Variants in ZNF443 observed in about 807,000 individuals in gnomAD.
The protein encoded by ZNF443 is zinc finger protein 443.
In ZNF443, 3 loss-of-function variants were observed where a neutral mutation model predicts 12.0. The ratio of observed to expected loss-of-function variants is 0.25; its 90% confidence interval spans 0.11 to 0.64. ZNF443 has a LOEUF of 0.64. Among genes scored for constraint, ZNF443 ranks in the 30% least tolerant of loss-of-function variants. The pLI is 0.84. For missense variants in ZNF443, 770 were observed against 808.8 expected (o/e 0.95, Z 0.58); for synonymous variants, 225 against 265.9 (o/e 0.85, Z 1.50).
Position 12,431,604 on chromosome 19 carries a change from C to A in ZNF443, c.568G>T (p.Val190Leu). ...SLGNLQRHMA[V>L]QRGDGPYKCK... is the part of the protein sequence containing the mutation. ...TTATAAGGTCCATCTCCACGCTGCA[C>A]TGCCATGTGTCTTTGAAGGTTTCCC... Residue 190 changes from valine (V) to leucine (L), a missense_variant, in exon 4 of 4, where the codon GTG becomes TTG. Coordinates refer to ENST00000301547, the MANE Select transcript of ZNF443 (RefSeq NM_005815.5). 6.2e-7 allele frequency: 1 copy of A among 1,614,150 alleles called. No homozygotes were observed. The highest frequency in any genetic ancestry group is 1.1e-5 in the South Asian group (1 of 91,076).
At chr19:12,432,294 A>G (rs1970264512) in intron 3 of ZNF443, 83 bp downstream of exon 3, 1 of 1,248,088 alleles carries the variant, frequency 8.0e-7, no homozygotes, top group African/African-American at 1.6e-5. Context: ...AGCCTTGTTC[A>G]TTTTCTTTGC....
chr19:12,432,961 TTC>T, intron 2 of ZNF443, 108 bp downstream of exon 2: 2 of 1,531,184 alleles, frequency 1.3e-6, no homozygotes, highest in Non-Finnish European at 1.8e-6. Flanking sequence ...GTTTTTTTTT[TTC>T]CAGGGCCAAC....
At chr19:12,432,057 C>A in intron 3 of ZNF443, 77 bp from the exon 4 acceptor site, 3 of 1,129,814 alleles carry the variant, frequency 2.7e-6, no homozygotes, top group East Asian at 5.0e-5. Flanking sequence ...ATTGGATGTA[C>A]ATTTTTAACA....
chr19:12,439,002 GAA>G (rs1568239526), intron 1 of ZNF443, among the ~76,000 whole-genome samples: 1 of 152,178 alleles, frequency 6.6e-6, no homozygotes, highest in Non-Finnish European at 1.5e-5. Context: ...CTGGAACACA[GAA>G]AAGTCTAATG....
intron 1 of ZNF443, among the ~76,000 whole-genome samples, chr19:12,436,486 A>G (rs1442584627): frequency 6.6e-6 from 1 of 151,978 alleles, no homozygotes; most frequent in African/African-American, 2.4e-5. Context: ...GTCTCAAAAA[A>G]AAAGGGGTAG....
At chr19:12,440,597 T>C (rs1238176272) in intron 1 of ZNF443, among the ~76,000 whole-genome samples, 2 of 152,074 alleles carry the variant, frequency 1.3e-5, no homozygotes, top group African/African-American at 2.4e-5. Flanking sequence ...CCTCGGCGTC[T>C]CGGTGCAGTG....
rs1970257322 is a variant in ZNF443 at position 12,431,719 on chromosome 19, A to C, written c.453T>G (p.Ser151Arg). Residue 151 changes from serine to arginine, a missense_variant, in exon 4 of 4, where the codon AGT (serine) becomes AGG (arginine). Ser to Arg is a moderately radical substitution (Grantham distance 110). This residue lies in a region of ZNF443 where 736 missense variants were observed against 689.4 expected (regional missense o/e 1.07). Coordinates refer to ENST00000301547, the MANE Select transcript of ZNF443 (RefSeq NM_005815.5). Reference protein sequence around the residue: ...DTHKQRGKAFSYHNSFQTHER... With the variant: ...DTHKQRGKAFRYHNSFQTHER... The stretch of plus-strand genomic sequence containing the variant: ...CATGTGTTTGAAATGAGTTGTGGTA[A>C]CTGAAGGCTTTCCCACGTTGTTTAT... The C allele has an allele frequency of 6.2e-7, 1 of 1,614,036 alleles. No individual in the cohort carries two copies. The highest frequency in any genetic ancestry group is 8.5e-7 in the Non-Finnish European group (1 of 1,180,004).
intron 1 of ZNF443, among the ~76,000 whole-genome samples, chr19:12,434,358 T>C (rs1377300015): frequency 6.6e-6 from 1 of 152,168 alleles, no homozygotes; most frequent in Non-Finnish European, 1.5e-5. Context: ...TTAGATCAAA[T>C]GTAGTGAAGT....
chr19:12,437,144 C>A (rs1970319341), intron 1 of ZNF443, among the ~76,000 whole-genome samples: 1 of 152,060 alleles, frequency 6.6e-6, no homozygotes. Flanking sequence ...AATGCCAACA[C>A]TTTGAGATGC....
At chr19:12,440,248 AGGG>A (rs1446252341) in intron 1 of ZNF443, among the ~76,000 whole-genome samples, 10 of 11,928 alleles carry the variant, frequency 8.4e-4, no homozygotes, top group South Asian at 1.9e-3. Flanking sequence ...CGCTGCCTCA[AGGG>A]GCCGCCTCCC....
chr19:12,439,382 T>C (rs1970343352), intron 1 of ZNF443, among the ~76,000 whole-genome samples: 1 of 152,116 alleles, frequency 6.6e-6, no homozygotes, highest in Non-Finnish European at 1.5e-5. Flanking sequence ...TCCCAGTGGA[T>C]CCAGTTGCTC....
intron 1 of ZNF443, among the ~76,000 whole-genome samples, chr19:12,440,351 G>A (rs1263083133): frequency 2.0e-5 from 3 of 152,290 alleles, no homozygotes; most frequent in South Asian, 2.1e-4. Context: ...AGTCGCCGGA[G>A]TTCTCAGATC....
At position 12,431,607 on chromosome 19, in the gene ZNF443, C is replaced by A; in HGVS notation, c.565G>T (p.Ala189Ser). 6.2e-7 allele frequency: 1 copy of A among 1,614,146 alleles called. No homozygotes were observed. Among genetic ancestry groups the A allele is most frequent in the Non-Finnish European group, 8.5e-7 (1 of 1,180,006 alleles). Residue 189 changes from alanine to serine, a missense_variant, in exon 4 of 4, where the codon GCA (alanine) becomes TCA (serine). Physicochemically the swap from Ala to Ser is moderately conservative, Grantham distance 99. Transcript: ENST00000301547. ...SSLGNLQRHM[A>S]VQRGDGPYKC... ...TAAGGTCCATCTCCACGCTGCACTG[C>A]CATGTGTCTTTGAAGGTTTCCCAAA...
chr19:12,438,177 T>C (rs955144002), intron 1 of ZNF443, among the ~76,000 whole-genome samples: 4 of 152,070 alleles, frequency 2.6e-5, no homozygotes, highest in Non-Finnish European at 4.4e-5. Context: ...AAAGCTACTC[T>C]CTTACCCTTC....
At chr19:12,434,795 C>T (rs1376976261) in intron 1 of ZNF443, among the ~76,000 whole-genome samples, 2 of 151,996 alleles carry the variant, frequency 1.3e-5, no homozygotes, top group Admixed American at 6.6e-5. Flanking sequence ...CAATCTCTCC[C>T]CCATCAATGA....
At chr19:12,440,373 C>T (rs1970352839) in intron 1 of ZNF443, among the ~76,000 whole-genome samples, 1 of 152,186 alleles carries the variant, frequency 6.6e-6, no homozygotes, top group South Asian at 2.1e-4. Flanking sequence ...TGAATCCCAG[C>T]AGAAAGGCTG....
rs560877383 is a variant in ZNF443, at chr19:12,432,458, A to G, written c.131-21T>C. 8 of 1,413,310 alleles carry G rather than the reference A, an allele frequency of 5.7e-6. No homozygotes were observed. The East Asian group carries it at 1.7e-4, about 30-fold the overall frequency. The allele number at this position is 1,413,310 out of a possible 1,614,324, so 87.5% of individuals were successfully genotyped here. ...CATTACTAAAAGGTATACACAGAAA[A>G]ATCATTACAAATTTTTACAAAATTA... is the stretch of plus-strand genomic sequence containing the variant. On this transcript the variant is annotated intron_variant, in intron 2 of 3. Transcript: ENST00000301547.
rs1486525953 is a variant in ZNF443, at chr19:12,431,682, T to C, written c.490A>G (p.Thr164Ala). The change falls in exon 4 of 4, where the codon ACT becomes GCT. Residue 164 changes from threonine to alanine, a missense_variant. Coordinates refer to ENST00000301547, the MANE Select transcript of ZNF443 (RefSeq NM_005815.5). ...NSFQTHERLH[T>A]GKKPYDCKEC... ...TTACAATCATATGGTTTCTTTCCAG[T>C]GTGAAGCCTCTCATGTGTTTGAAAT... The C allele has an allele frequency of 2.5e-6, 4 of 1,614,090 alleles. No homozygotes were observed. The highest frequency in any genetic ancestry group is 1.3e-5 in the African/African-American group (1 of 74,946).
chr19:12,430,778 C>T lies in ZNF443; in HGVS notation c.1394G>A (p.Arg465Gln), dbSNP rs752288384. The change falls in exon 4 of 4, where the codon CGA (arginine) becomes CAA (glutamine). Residue 465 changes from arginine to glutamine, a missense_variant. This residue lies in a region of ZNF443 where 736 missense variants were observed against 689.4 expected (regional missense o/e 1.07). Transcript: ENST00000301547. Reference protein sequence around the residue: ...GKAYRISSSLRRHETTHTGEK... With the variant: ...GKAYRISSSLQRHETTHTGEK... Reference sequence around the variant, plus strand: ...TCCAGTATGAGTTGTTTCATGCCTTCGAAGGGAACTGGAAATACGGTAGGC... The same window carrying T: ...TCCAGTATGAGTTGTTTCATGCCTTTGAAGGGAACTGGAAATACGGTAGGC... 3.7e-5 allele frequency: 60 copies of T among 1,613,802 alleles called. No individual in the cohort carries two copies. Among genetic ancestry groups the T allele is most frequent in the Admixed American group, 8.3e-5 (5 of 59,998 alleles).
Sources: allele counts gnomAD v4.1 joint callset (sites outside exome capture counted in the v4.1 genomes callset), GRCh38; gene constraint gnomAD v4.1.1; regional missense constraint gnomAD v4.1.1; transcripts MANE v1.5; gene names NCBI Gene and HGNC (gene_info 2026-07-23, HGNC 2026-07-21).